UBR3: variants seen among roughly 807,000 people sequenced by gnomAD.
UBR3 encodes the protein ubiquitin protein ligase E3 component n-recognin 3, also known as E3 ubiquitin-protein ligase UBR3.
In UBR3, 85 loss-of-function variants were observed where a neutral mutation model predicts 243.2. The ratio of observed to expected loss-of-function variants is 0.35; its 90% confidence interval spans 0.29 to 0.42. The LOEUF (loss-of-function observed/expected upper bound fraction) is 0.42, where lower values mean the gene tolerates loss of function less well. UBR3 is among the 10% of genes least tolerant of loss of function. The pLI, the probability that UBR3 is intolerant of heterozygous loss-of-function variation, is 1.00. For synonymous variants in UBR3, 748 were observed against 799.8 expected, an observed-to-expected ratio of 0.94 and a Z score of 1.09; for missense variants, 1,686 against 2,300.8, an observed-to-expected ratio of 0.73 and a Z score of 5.47.
intron 5 of UBR3, among the ~76,000 whole-genome samples, chr2:169,888,396 C>T (rs1024724512): frequency 5.3e-5 from 8 of 152,238 alleles, no homozygotes; most frequent in Middle Eastern, 3.4e-3. Flanking sequence ...ACCTCAGCCT[C>T]CCAAAGTGCT....
chr2:169,999,088 A>G lies in UBR3; in HGVS notation c.3919-2216A>G, dbSNP rs546280836. ...AAACTCAAATGTCTAAAAGTTGTGTAGACGAATGACTCATTGTTTCCAGTT... is the reference window on the plus strand; with the variant it reads ...AAACTCAAATGTCTAAAAGTTGTGTGGACGAATGACTCATTGTTTCCAGTT... On this transcript the variant is annotated intron_variant, in intron 26 of 38. Coordinates refer to ENST00000272793, the MANE Select transcript of UBR3 (RefSeq NM_172070.4). 3.9e-5 allele frequency among the ~76,000 whole-genome samples: 6 copies of G among 152,352 alleles called. No homozygotes were observed. In the South Asian group the frequency reaches 6.2e-4, roughly 16 times the overall value.
At chr2:170,051,288 G>A (rs2091210890) in intron 32 of UBR3, among the ~76,000 whole-genome samples, 2 of 152,010 alleles carry the variant, frequency 1.3e-5, no homozygotes, top group Admixed American at 6.6e-5. Flanking sequence ...ACAATGAAAA[G>A]CTAAAACTAT....
chr2:169,946,239 C>A (rs886781068), intron 20 of UBR3, 49 bp from the exon 21 acceptor site: 1 of 1,079,936 alleles, frequency 9.3e-7, no homozygotes. Context: ...AAATGAAATA[C>A]CTTTTGTGGA....
intron 31 of UBR3, among the ~76,000 whole-genome samples, chr2:170,035,136 T>C (rs888851034): frequency 6.6e-6 from 1 of 152,060 alleles, no homozygotes; most frequent in African/African-American, 2.4e-5. Flanking sequence ...CTTCTCATTG[T>C]CTTGACATTG....
intron 1 of UBR3, among the ~76,000 whole-genome samples, chr2:169,869,050 C>A (rs1251580621): frequency 6.6e-6 from 1 of 152,006 alleles, no homozygotes; most frequent in Non-Finnish European, 1.5e-5. Flanking sequence ...TCATTTATCT[C>A]CCGTACGTCT....
Position 169,975,845 on chromosome 2 carries a change from A to G in UBR3, c.3635-10800A>G, listed in dbSNP as rs145008885. Reference sequence around the variant, plus strand: ...TTCAGAATTCCTTTTTGGATCTGCAATTATCTGGATCTGCATATATCTGGA... The same window carrying G: ...TTCAGAATTCCTTTTTGGATCTGCAGTTATCTGGATCTGCATATATCTGGA... On this transcript the variant is annotated intron_variant, in intron 24 of 38. Transcript: ENST00000272793. Among the ~76,000 whole-genome samples, 510 of 150,920 alleles carry G rather than the reference A, an allele frequency of 3.4e-3. 1 individual carries two copies. Among genetic ancestry groups the G allele is most frequent in the Middle Eastern group, 6.8e-3 (2 of 294 alleles).
At chr2:169,828,489 T>C (rs951880684) in intron 1 of UBR3, among the ~76,000 whole-genome samples, 6 of 152,138 alleles carry the variant, frequency 3.9e-5, no homozygotes, top group African/African-American at 1.2e-4. Context: ...GGGACCGTAT[T>C]GGCTCGCGGG....
At chr2:170,035,616 T>A (rs2090804836) in intron 31 of UBR3, among the ~76,000 whole-genome samples, 1 of 152,010 alleles carries the variant, frequency 6.6e-6, no homozygotes, top group Admixed American at 6.6e-5. Flanking sequence ...AATTTTGTTC[T>A]TCTTCGATTT....
intron 1 of UBR3, among the ~76,000 whole-genome samples, chr2:169,864,839 G>A (rs1318354184): frequency 1.3e-5 from 2 of 151,270 alleles, no homozygotes; most frequent in Admixed American, 6.6e-5. Flanking sequence ...CCTGGGAGGC[G>A]GAGCTTGCAG....
intron 24 of UBR3, among the ~76,000 whole-genome samples, chr2:169,962,988 T>A (rs1574295178): frequency 6.6e-6 from 1 of 152,074 alleles, no homozygotes; most frequent in South Asian, 2.1e-4. Flanking sequence ...TGGATTAGGG[T>A]TGGGAGAAGG....
chr2:169,862,258 A>T (rs1192676162), intron 1 of UBR3, among the ~76,000 whole-genome samples: 2 of 152,042 alleles, frequency 1.3e-5, no homozygotes, highest in Admixed American at 6.5e-5. Context: ...TAGTACTTAA[A>T]CCCGTGTAGA....
chr2:169,898,534 G>A (rs2084678959), intron 8 of UBR3, among the ~76,000 whole-genome samples: 1 of 151,876 alleles, frequency 6.6e-6, no homozygotes. Context: ...TGATCTTACA[G>A]CTCTGAGTGG....
intron 14 of UBR3, among the ~76,000 whole-genome samples, chr2:169,926,000 C>T (rs919344294): frequency 1.3e-5 from 2 of 151,990 alleles, no homozygotes; most frequent in African/African-American, 4.8e-5. Flanking sequence ...GGGGTTTCTG[C>T]AGGAAAGGCA....
chr2:169,965,105 C>A (rs1401407883), intron 24 of UBR3: 4 of 365,318 alleles, frequency 1.1e-5, no homozygotes, highest in Non-Finnish European at 2.2e-5. Context: ...CCCAAAAAGC[C>A]TGTTTGAGAC....
At chr2:169,928,611 A>G (rs1385488532) in intron 17 of UBR3, 116 bp from the exon 18 acceptor site, 4 of 732,220 alleles carry the variant, frequency 5.5e-6, no homozygotes, top group Non-Finnish European at 8.1e-6. Context: ...CCAGCTTTGT[A>G]TATTACAACC....
chr2:169,866,398 C>G (rs2083266331), intron 1 of UBR3, among the ~76,000 whole-genome samples: 2 of 150,090 alleles, frequency 1.3e-5, no homozygotes, highest in Middle Eastern at 3.5e-3. Context: ...AAGTCTTGCT[C>G]TGTCATCCAG....
chr2:169,927,420 T>G lies in UBR3; in HGVS notation c.2424+15T>G. 1 of 1,519,794 alleles carries G rather than the reference T, an allele frequency of 6.6e-7. No individual in the cohort carries two copies. The highest frequency in any genetic ancestry group is 8.8e-7 in the Non-Finnish European group (1 of 1,130,756). 94.1% of individuals were successfully genotyped at this position (1,519,794 alleles called of 1,614,324 possible). A position where few individuals can be genotyped will look rare whatever the true frequency, so the allele number is the denominator to read the frequency against. The stretch of plus-strand genomic sequence containing the variant: ...TGCTGGACCTCATATCCTTTTAAAA[T>G]TTTACTTTCTGTTAGTTGCAGGATC... On this transcript the variant is annotated intron_variant, in intron 17 of 38. Coordinates refer to ENST00000272793, the MANE Select transcript of UBR3 (RefSeq NM_172070.4).
chr2:169,980,844 G>A (rs1291030396), intron 24 of UBR3, among the ~76,000 whole-genome samples: 1 of 145,420 alleles, frequency 6.9e-6, no homozygotes, highest in South Asian at 2.2e-4. Context: ...GGTCCTTGGA[G>A]GCATGGTTGA....
intron 30 of UBR3, among the ~76,000 whole-genome samples, chr2:170,026,914 A>G (rs1488519110): frequency 1.3e-5 from 2 of 152,066 alleles, no homozygotes. Context: ...CTGCTAAATG[A>G]ATATTAGAGT....
Sources: gnomAD v4.1 joint callset for allele counts (sites outside exome capture counted in the v4.1 genomes callset) on GRCh38, gnomAD v4.1.1 for gene constraint, MANE v1.5 for transcripts, NCBI Gene and HGNC (gene_info 2026-07-23, HGNC 2026-07-21) for gene names.